PRKCH: variants seen among roughly 807,000 people sequenced by gnomAD.
PRKCH encodes the protein protein kinase C eta, also known as protein kinase C eta type.
In PRKCH, 28 loss-of-function variants were observed where a neutral mutation model predicts 82.5. That is an observed-to-expected ratio of 0.34 (90% confidence interval 0.25 to 0.47). The LOEUF (loss-of-function observed/expected upper bound fraction) is 0.47, where lower values mean the gene tolerates loss of function less well. PRKCH is among the 20% of genes least tolerant of loss of function. The pLI is 1.00. For missense variants in PRKCH, 705 were observed against 881.8 expected, an observed-to-expected ratio of 0.80 and a Z score of 2.54; for synonymous variants, 322 against 327.4, an observed-to-expected ratio of 0.98 and a Z score of 0.18.
intron 10 of PRKCH, among the ~76,000 whole-genome samples, chr14:61,499,816 T>C (rs1020725001): frequency 6.6e-6 from 1 of 151,856 alleles, no homozygotes; most frequent in Non-Finnish European, 1.5e-5. Flanking sequence ...AATTTCGCCT[T>C]TCTGTTGACT....
At chr14:61,200,167 A>G (rs966639734) in intron 1 of PRKCH, among the ~76,000 whole-genome samples, 1 of 152,086 alleles carries the variant, frequency 6.6e-6, no homozygotes, top group South Asian at 2.1e-4. Flanking sequence ...TTCCATTTCT[A>G]TAGGAAGAGA....
intron 1 of PRKCH, among the ~76,000 whole-genome samples, chr14:61,349,076 C>T (rs1436285453): frequency 6.6e-6 from 1 of 152,242 alleles, no homozygotes. Flanking sequence ...AAAGTATGCA[C>T]TTGAGACCTC....
At chr14:61,230,515 A>T (rs1175920162) in intron 1 of PRKCH, among the ~76,000 whole-genome samples, 3 of 152,212 alleles carry the variant, frequency 2.0e-5, no homozygotes, top group African/African-American at 7.2e-5. Context: ...GCCATTTGGG[A>T]GCAACTTAGG....
chr14:61,266,541 C>A (rs1174296939), intron 1 of PRKCH, among the ~76,000 whole-genome samples: 1 of 152,146 alleles, frequency 6.6e-6, no homozygotes, highest in East Asian at 1.9e-4. Context: ...TCTGGGAGTG[C>A]ATAAAAAGTA....
At chr14:61,274,030 A>G (rs979113475) in intron 1 of PRKCH, among the ~76,000 whole-genome samples, 35 of 152,242 alleles carry the variant, frequency 2.3e-4, no homozygotes, top group African/African-American at 8.4e-4. Flanking sequence ...ATGAATAATC[A>G]GCTTCTAGGC....
chr14:61,247,842 G>T (rs778081085), intron 1 of PRKCH, among the ~76,000 whole-genome samples: 2 of 151,418 alleles, frequency 1.3e-5, no homozygotes, highest in Admixed American at 1.3e-4. Flanking sequence ...TGCAGTAGAC[G>T]AGGTAAAGTT....
intron 10 of PRKCH, among the ~76,000 whole-genome samples, chr14:61,515,494 A>G (rs1212079499): frequency 6.6e-6 from 1 of 152,192 alleles, no homozygotes; most frequent in Non-Finnish European, 1.5e-5. Context: ...TGGGCACTTG[A>G]CACTAAACAG....
chr14:61,265,256 G>A (rs2045088026), intron 1 of PRKCH, among the ~76,000 whole-genome samples: 1 of 152,074 alleles, frequency 6.6e-6, no homozygotes, highest in African/African-American at 2.4e-5. Flanking sequence ...CAAGGTGGGT[G>A]GATTGCTGGA....
At chr14:61,439,351 A>G (rs1298901967) in intron 2 of PRKCH, among the ~76,000 whole-genome samples, 1 of 152,192 alleles carries the variant, frequency 6.6e-6, no homozygotes, top group Non-Finnish European at 1.5e-5. Flanking sequence ...GAACATGGTG[A>G]CAGTGAAAGT....
At chr14:61,450,820 C>G in intron 5 of PRKCH, 22 bp from the exon 6 acceptor site, 2 of 1,609,256 alleles carry the variant, frequency 1.2e-6, no homozygotes, top group Non-Finnish European at 1.7e-6. Flanking sequence ...TAGCTCTTGT[C>G]CCTTTATTTC....
At chr14:61,311,243 C>A (rs2045521613) in intron 1 of PRKCH, among the ~76,000 whole-genome samples, 1 of 152,178 alleles carries the variant, frequency 6.6e-6, no homozygotes. Flanking sequence ...ATGGGTTTTT[C>A]TTTTCTATTG....
chr14:61,462,782 A>G (rs559800238), intron 9 of PRKCH, among the ~76,000 whole-genome samples: 1 of 152,288 alleles, frequency 6.6e-6, no homozygotes, highest in South Asian at 2.1e-4. Context: ...GAGCCACTCT[A>G]CCTGCAAAGC....
chr14:61,505,312 A>T (rs899419530), intron 10 of PRKCH, among the ~76,000 whole-genome samples: 6 of 149,656 alleles, frequency 4.0e-5, no homozygotes, highest in Non-Finnish European at 8.9e-5. Context: ...TGGTTCACGG[A>T]TAGCTGCCTT....
chr14:61,490,993 C>T (rs1179568769), intron 10 of PRKCH, among the ~76,000 whole-genome samples: 1 of 151,562 alleles, frequency 6.6e-6, no homozygotes, highest in African/African-American at 2.4e-5. Context: ...TTACTGTGCA[C>T]TCTCTCTCTC....
intron 1 of PRKCH, among the ~76,000 whole-genome samples, chr14:61,376,491 C>A (rs979330537): frequency 6.6e-6 from 1 of 152,144 alleles, no homozygotes; most frequent in Non-Finnish European, 1.5e-5. Context: ...CATCCCAAAC[C>A]AACTGACCCT....
chr14:61,485,702 C>G (rs1486189600), intron 10 of PRKCH, 46 bp downstream of exon 10: 14 of 1,575,452 alleles, frequency 8.9e-6, no homozygotes, highest in Non-Finnish European at 1.2e-5. Context: ...TGCCTCTTCC[C>G]TCTCCTGGTA....
intron 5 of PRKCH, 60 bp downstream of exon 5, chr14:61,449,312 C>T (rs1439059118): frequency 7.1e-7 from 1 of 1,403,440 alleles, no homozygotes; most frequent in African/African-American, 1.4e-5. Flanking sequence ...CTGTGTACCG[C>T]CGTCTCTCTC....
chr14:61,417,343 A>G (rs1291852878), intron 2 of PRKCH, among the ~76,000 whole-genome samples: 1 of 152,104 alleles, frequency 6.6e-6, no homozygotes, highest in African/African-American at 2.4e-5. Context: ...AACTGAAAGC[A>G]CCTGATTTCT....
intron 12 of PRKCH, among the ~76,000 whole-genome samples, chr14:61,534,372 A>G (rs953152793): frequency 5.9e-5 from 9 of 152,222 alleles, no homozygotes; most frequent in Admixed American, 1.3e-4. Context: ...CTGAACAAGC[A>G]TTCATTTGGC....
Sources: allele counts gnomAD v4.1 joint callset (sites outside exome capture counted in the v4.1 genomes callset), GRCh38; gene constraint gnomAD v4.1.1; transcripts MANE v1.5; gene names NCBI Gene and HGNC (gene_info 2026-07-23, HGNC 2026-07-21).